The following MAGI1 variants were observed in gnomAD, a reference collection of about 807,000 sequenced individuals.
The protein encoded by MAGI1 is membrane-associated guanylate kinase, WW and PDZ domain-containing protein 1.
In MAGI1, 58 loss-of-function variants were observed where a neutral mutation model predicts 139.9. That is an observed-to-expected ratio of 0.41 (90% CI 0.34 to 0.52). The LOEUF (loss-of-function observed/expected upper bound fraction) is 0.52, where lower values mean the gene tolerates loss of function less well. Ranked by LOEUF, MAGI1 falls within the 20% of genes least tolerant of loss-of-function variation. MAGI1 has a pLI of 0.12. For synonymous variants in MAGI1, 812 were observed against 737.9 expected (o/e 1.10, Z -1.63); for missense variants, 1,874 against 1,901.6 (o/e 0.99, Z 0.27).
chr3:66,000,051 C>T (rs985884552), intron 1 of MAGI1, among the ~76,000 whole-genome samples: 1 of 141,012 alleles, frequency 7.1e-6, no homozygotes, highest in Non-Finnish European at 1.5e-5. Flanking sequence ...AGGCTCATTG[C>T]AAGCTCCACC....
intron 1 of MAGI1, among the ~76,000 whole-genome samples, chr3:65,847,981 G>C (rs1277093863): frequency 6.6e-6 from 1 of 152,142 alleles, no homozygotes; most frequent in African/African-American, 2.4e-5. Context: ...TCCAGTTTGG[G>C]CAACACAGTG....
intron 2 of MAGI1, among the ~76,000 whole-genome samples, chr3:65,497,082 C>T (rs554402432): frequency 5.2e-4 from 79 of 152,126 alleles, no homozygotes; most frequent in African/African-American, 1.8e-3. Context: ...CAGACACCTA[C>T]GAGCAGAGAG....
chr3:65,694,343 T>C (rs1402648511), intron 1 of MAGI1, among the ~76,000 whole-genome samples: 1 of 152,172 alleles, frequency 6.6e-6, no homozygotes, highest in Non-Finnish European at 1.5e-5. Flanking sequence ...CATGGTTTAA[T>C]CTATAGGGCC....
At chr3:65,750,738 C>T (rs1200450306) in intron 1 of MAGI1, among the ~76,000 whole-genome samples, 1 of 152,150 alleles carries the variant, frequency 6.6e-6, no homozygotes, top group Non-Finnish European at 1.5e-5. Flanking sequence ...GTATTTTTTA[C>T]AAGTTCCCCG....
chr3:65,742,267 CATT>C (rs1352869772), intron 1 of MAGI1, among the ~76,000 whole-genome samples: 2 of 152,142 alleles, frequency 1.3e-5, no homozygotes, highest in Admixed American at 6.6e-5. Flanking sequence ...TATTTTACAT[CATT>C]ATTTCATTAA....
At position 65,530,710 on chromosome 3, in the gene MAGI1, C is replaced by CGT. The variant is rs1450033975; in HGVS notation, c.431-37081_431-37080dup. On this transcript the variant is annotated intron_variant, in intron 2 of 22. Coordinates refer to ENST00000402939, the MANE Select transcript of MAGI1 (RefSeq NM_001033057.2). ...ACGTGTATATATATACACATATACA[C>CGT]GTGTATATATATACACACGTATATA... is the stretch of plus-strand genomic sequence containing the variant. 8.0e-5 allele frequency among the ~76,000 whole-genome samples: 9 copies of CGT among 112,580 alleles called. 1 individual carries two copies. The highest frequency in any genetic ancestry group is 3.1e-4 in the African/African-American group (9 of 29,488). The allele number at this position is 112,580 out of a possible 152,430, so 73.9% of individuals were successfully genotyped here. A position where few individuals can be genotyped will look rare whatever the true frequency, so the allele number is the denominator to read the frequency against.
chr3:65,474,409 T>G (rs923907302), intron 4 of MAGI1, among the ~76,000 whole-genome samples: 4 of 152,206 alleles, frequency 2.6e-5, no homozygotes, highest in African/African-American at 9.7e-5. Flanking sequence ...ACAGGGAACC[T>G]GGTTTTCCCA....
intron 9 of MAGI1, among the ~76,000 whole-genome samples, chr3:65,437,989 C>G (rs1308293932): frequency 1.3e-5 from 2 of 152,098 alleles, no homozygotes; most frequent in Non-Finnish European, 2.9e-5. Context: ...TTACTGCAAC[C>G]TCTATAGAAC....
intron 1 of MAGI1, among the ~76,000 whole-genome samples, chr3:65,817,704 A>G (rs2108233232): frequency 6.6e-6 from 1 of 152,344 alleles, no homozygotes; most frequent in South Asian, 2.1e-4. Flanking sequence ...TGCTTTGAGG[A>G]CACAACTCTT....
At chr3:65,389,753 G>A (rs1046315502) in intron 14 of MAGI1, among the ~76,000 whole-genome samples, 17 of 152,248 alleles carry the variant, frequency 1.1e-4, no homozygotes, top group African/African-American at 3.1e-4. Context: ...CTAGTCCAGC[G>A]ACTAAATAAG....
chr3:65,815,828 T>A (rs883570), intron 1 of MAGI1, among the ~76,000 whole-genome samples: 92,940 of 151,868 alleles, frequency 0.61, 29,022 homozygotes, highest in East Asian at 0.93. Flanking sequence ...ACACATGAAG[T>A]AACAAAAGCC....
At chr3:65,428,364 A>G (rs950731670) in intron 12 of MAGI1, among the ~76,000 whole-genome samples, 1 of 152,184 alleles carries the variant, frequency 6.6e-6, no homozygotes, top group Non-Finnish European at 1.5e-5. Context: ...AGACACTTCA[A>G]TATGGTGGAA....
At chr3:65,627,010 A>G (rs1174255849) in intron 1 of MAGI1, among the ~76,000 whole-genome samples, 1 of 152,246 alleles carries the variant, frequency 6.6e-6, no homozygotes, top group Non-Finnish European at 1.5e-5. Context: ...AATAGAAAAG[A>G]GAACATAGGT....
In MAGI1 at chr3:65,383,551, C is replaced by T; in HGVS notation, c.2489G>A (p.Gly830Glu). The change falls in exon 15 of 23, where the codon GGA becomes GAA. Residue 830 changes from glycine to glutamate, a missense_variant. Coordinates refer to ENST00000402939, the MANE Select transcript of MAGI1 (RefSeq NM_001033057.2). ...ACTCACAGGTTCCCCTGGTTCATTT[C>T]CACCCAGAATCCTAAATCCAAATCC... ...ETGFGFRILGGNEPGEPIYIG... is the reference protein window; with the variant it reads ...ETGFGFRILGENEPGEPIYIG... 1 of 1,613,498 alleles carries T rather than the reference C, an allele frequency of 6.2e-7. No individual in the cohort carries two copies. Among genetic ancestry groups the T allele is most frequent in the Non-Finnish European group, 8.5e-7 (1 of 1,179,458 alleles).
intron 16 of MAGI1, 103 bp from the exon 17 acceptor site, chr3:65,379,657 A>G: frequency 1.3e-6 from 2 of 1,519,316 alleles, no homozygotes; most frequent in Non-Finnish European, 1.8e-6. Context: ...CAAAACGTGA[A>G]CCGAGGGGAG....
intron 1 of MAGI1, among the ~76,000 whole-genome samples, chr3:66,010,240 T>C (rs911300702): frequency 5.3e-5 from 8 of 152,280 alleles, no homozygotes; most frequent in African/African-American, 1.9e-4. Context: ...TGCTATTAAC[T>C]CCATTTTACA....
chr3:66,008,482 C>T (rs377577119), intron 1 of MAGI1, among the ~76,000 whole-genome samples: 8 of 152,252 alleles, frequency 5.3e-5, no homozygotes, highest in African/African-American at 1.9e-4. Flanking sequence ...TGCCCTTGAC[C>T]CTCACGCAGC....
At chr3:65,678,575 G>A (rs925839981) in intron 1 of MAGI1, among the ~76,000 whole-genome samples, 1 of 152,068 alleles carries the variant, frequency 6.6e-6, no homozygotes, top group Non-Finnish European at 1.5e-5. Flanking sequence ...TCAGGGAATA[G>A]GTAACTGGCA....
chr3:65,851,151 T>C (rs911653358), intron 1 of MAGI1, among the ~76,000 whole-genome samples: 7 of 152,130 alleles, frequency 4.6e-5, no homozygotes, highest in African/African-American at 1.7e-4. Context: ...CTTAGCTTTG[T>C]TCACTGCTGT....
Sources: gnomAD v4.1 joint callset for allele counts (sites outside exome capture counted in the v4.1 genomes callset) on GRCh38, gnomAD v4.1.1 for gene constraint, MANE v1.5 for transcripts, NCBI Gene and HGNC (gene_info 2026-07-23, HGNC 2026-07-21) for gene names.